CSMD1: variants seen among roughly 807,000 people sequenced by gnomAD.
The protein encoded by CSMD1 is CUB and sushi domain-containing protein 1.
Under a neutral mutation model 417.5 loss-of-function variants are expected in CSMD1, and 213 were observed. The observed-to-expected ratio is 0.51, with a 90% CI of 0.46 to 0.57. The LOEUF (loss-of-function observed/expected upper bound fraction) is 0.57. Among genes scored for constraint, CSMD1 ranks in the 20% least tolerant of loss-of-function variants. CSMD1 has a pLI of 0.00. For synonymous variants in CSMD1, 2,862 were observed against 1,736.8 expected (o/e 1.65, Z -16.11); for missense variants, 6,923 against 4,529.7 (o/e 1.53, Z -15.17).
At chr8:4,091,953 G>A (rs1445781604) in intron 3 of CSMD1, among the ~76,000 whole-genome samples, 1 of 152,092 alleles carries the variant, frequency 6.6e-6, no homozygotes, top group Non-Finnish European at 1.5e-5. Context: ...TGAGGAAAAG[G>A]GACTCACGTA....
intron 5 of CSMD1, among the ~76,000 whole-genome samples, chr8:3,987,519 A>T (rs1814423953): frequency 6.6e-6 from 1 of 152,180 alleles, no homozygotes; most frequent in African/African-American, 2.4e-5. Flanking sequence ...GAAACCAAAA[A>T]TCTGGGAGTC....
At chr8:3,059,058 G>A (rs1812416262) in intron 49 of CSMD1, among the ~76,000 whole-genome samples, 1 of 151,938 alleles carries the variant, frequency 6.6e-6, no homozygotes, top group Non-Finnish European at 1.5e-5. Context: ...GCGCTAAAGT[G>A]AGAATCCTGT....
intron 5 of CSMD1, among the ~76,000 whole-genome samples, chr8:3,985,073 T>C (rs1814217383): frequency 6.6e-6 from 1 of 152,052 alleles, no homozygotes; most frequent in South Asian, 2.1e-4. Context: ...TCAAAAACAC[T>C]GTGGCTTTTA....
chr8:3,160,153 T>C (rs1819791525), intron 38 of CSMD1, among the ~76,000 whole-genome samples: 1 of 152,212 alleles, frequency 6.6e-6, no homozygotes, highest in African/African-American at 2.4e-5. Flanking sequence ...AGATAGGGTC[T>C]TGCTCTGTCA....
At chr8:4,317,422 T>A (rs774755064) in intron 3 of CSMD1, among the ~76,000 whole-genome samples, 3 of 152,176 alleles carry the variant, frequency 2.0e-5, no homozygotes, top group Non-Finnish European at 4.4e-5. Flanking sequence ...AACCAGTTAG[T>A]GTATCTCTGT....
At chr8:3,618,674 A>T (rs545951530) in intron 7 of CSMD1, among the ~76,000 whole-genome samples, 1 of 152,326 alleles carries the variant, frequency 6.6e-6, no homozygotes, top group East Asian at 1.9e-4. Context: ...AATGACTACC[A>T]GAAGATTAAA....
chr8:3,188,860 T>C (rs1238914390), intron 35 of CSMD1, 27 bp downstream of exon 35: 2 of 1,537,996 alleles, frequency 1.3e-6, no homozygotes, highest in Non-Finnish European at 8.8e-7. Flanking sequence ...TGAGCCCTGT[T>C]GTAGACTGTG....
chr8:4,970,814 C>T (rs78386054), intron 1 of CSMD1, among the ~76,000 whole-genome samples: 1 of 151,908 alleles, frequency 6.6e-6, no homozygotes, highest in African/African-American at 2.4e-5. Flanking sequence ...CCAGGTAATA[C>T]CCTAGCTCTA....
chr8:4,111,605 T>G lies in CSMD1; in HGVS notation c.416-79506A>C, dbSNP rs190851748. ...TATGCAAACATAAAAAGAAATGAAA[T>G]TATGTCCTTTGTAGGGACGTGGATG... On this transcript the variant is annotated intron_variant, in intron 3 of 69. Coordinates refer to ENST00000635120, the MANE Select transcript of CSMD1 (RefSeq NM_033225.6). Among the ~76,000 whole-genome samples, 19 of 152,208 alleles carry G rather than the reference T, an allele frequency of 1.2e-4. No homozygotes were observed. The East Asian group carries it at 3.5e-3, about 28-fold the overall frequency.
chr8:3,843,776 C>G (rs1414981482), intron 5 of CSMD1, among the ~76,000 whole-genome samples: 1 of 152,156 alleles, frequency 6.6e-6, no homozygotes, highest in African/African-American at 2.4e-5. Context: ...CTCAGATCCA[C>G]CATCTGCAAA....
At chr8:3,182,279 C>G (rs1821382829) in intron 36 of CSMD1, among the ~76,000 whole-genome samples, 1 of 152,182 alleles carries the variant, frequency 6.6e-6, no homozygotes, top group African/African-American at 2.4e-5. Flanking sequence ...TGGAGTCTCG[C>G]TCTGTCACCC....
At chr8:4,409,551 G>C (rs987522876) in intron 3 of CSMD1, among the ~76,000 whole-genome samples, 3 of 151,768 alleles carry the variant, frequency 2.0e-5, no homozygotes, top group African/African-American at 4.8e-5. Flanking sequence ...TGTTAATTCA[G>C]AACATGCCAC....
intron 3 of CSMD1, among the ~76,000 whole-genome samples, chr8:4,074,162 A>G (rs1156531573): frequency 6.6e-6 from 1 of 152,124 alleles, no homozygotes; most frequent in Non-Finnish European, 1.5e-5. Flanking sequence ...CATATAATGC[A>G]TAACTTGTAT....
At chr8:4,555,742 G>C (rs117476980) in intron 2 of CSMD1, among the ~76,000 whole-genome samples, 105 of 152,260 alleles carry the variant, frequency 6.9e-4, no homozygotes, top group Non-Finnish European at 1.3e-3. Context: ...GAAACCATAA[G>C]AAAGTTCCAT....
intron 26 of CSMD1, among the ~76,000 whole-genome samples, chr8:3,249,377 C>T (rs958213069): frequency 5.9e-5 from 9 of 152,124 alleles, no homozygotes; most frequent in African/African-American, 2.2e-4. Flanking sequence ...CGCCCACCAC[C>T]ACGCTCGGCT....
chr8:4,111,980 ATTGTATTATTTTGT>A (rs1376439704), intron 3 of CSMD1, among the ~76,000 whole-genome samples: 1 of 151,620 alleles, frequency 6.6e-6, no homozygotes, highest in Non-Finnish European at 1.5e-5. Context: ...ATAGTTTTTT[ATTGTATTATTTTGT>A]TTATACCAAG....
intron 5 of CSMD1, among the ~76,000 whole-genome samples, chr8:3,861,904 C>T (rs976319354): frequency 1.1e-4 from 17 of 152,136 alleles, no homozygotes; most frequent in African/African-American, 3.9e-4. Flanking sequence ...TCCAACATGC[C>T]TGCATTCCAG....
Position 3,932,565 on chromosome 8 carries a change from G to C in CSMD1, c.818+65338C>G, listed in dbSNP as rs183767306. Among the ~76,000 whole-genome samples, 25 of 150,668 alleles carry C rather than the reference G, an allele frequency of 1.7e-4. 1 individual carries two copies. Among genetic ancestry groups the C allele is most frequent in the African/African-American group, 5.9e-4 (24 of 40,920 alleles). ...CACAATTAAAGTTCAATGCATTGCA[G>C]TCTAATTAGTACTGTGGCTAGTTAA... On this transcript the variant is annotated intron_variant, in intron 5 of 69. Coordinates refer to ENST00000635120, the MANE Select transcript of CSMD1 (RefSeq NM_033225.6).
intron 1 of CSMD1, among the ~76,000 whole-genome samples, chr8:4,766,780 T>G (rs1015108368): frequency 1.3e-5 from 2 of 152,184 alleles, no homozygotes; most frequent in African/African-American, 4.8e-5. Flanking sequence ...GTACGCACAA[T>G]GAGAGTTGGA....
Sources: allele counts gnomAD v4.1 joint callset (sites outside exome capture counted in the v4.1 genomes callset), GRCh38; gene constraint gnomAD v4.1.1; transcripts MANE v1.5; gene names NCBI Gene and HGNC (gene_info 2026-07-23, HGNC 2026-07-21).